The following HIBCH variants were observed in gnomAD, a reference collection of about 807,000 sequenced individuals.
HIBCH encodes the protein 3-hydroxyisobutyryl-CoA hydrolase, also known as 3-hydroxyisobutyryl-CoA hydrolase, mitochondrial.
Under a neutral mutation model 58.2 loss-of-function variants are expected in HIBCH, and 50 were observed. The ratio of observed to expected loss-of-function variants is 0.86; its 90% CI spans 0.68 to 1.09. HIBCH has a LOEUF of 1.09. Among genes scored for constraint, HIBCH ranks in the 50% least tolerant of loss-of-function variants. The pLI is 0.00. For synonymous variants in HIBCH, 151 were observed against 146.9 expected, an observed-to-expected ratio of 1.03 and a Z score of -0.20; for missense variants, 450 against 449.7, an observed-to-expected ratio of 1.00 and a Z score of -0.01.
chr2:190,282,917 T>A (rs1448196567), intron 6 of HIBCH, among the ~76,000 whole-genome samples: 1 of 148,786 alleles, frequency 6.7e-6, no homozygotes. Flanking sequence ...AGATGAGATA[T>A]AAAGTAACAA....
chr2:190,199,495 T>C (rs557091661), downstream of HIBCH, among the ~76,000 whole-genome samples: 1 of 152,310 alleles, frequency 6.6e-6, no homozygotes, highest in Non-Finnish European at 1.5e-5. Context: ...TGCAAGATCT[T>C]GAAAAAAAGT....
chr2:190,200,110 T>TACCATGACATTCCATACATTG, downstream of HIBCH: 1 of 1,614,036 alleles, frequency 6.2e-7, no homozygotes, highest in Non-Finnish European at 8.5e-7. Flanking sequence ...TAACATCAAG[T>TACCATGACATTCCATACATTG]ACCATGACAT....
At chr2:190,240,228 G>A (rs1044063260) in intron 11 of HIBCH, among the ~76,000 whole-genome samples, 13 of 152,182 alleles carry the variant, frequency 8.5e-5, no homozygotes, top group Admixed American at 7.9e-4. Flanking sequence ...TTAGTCCTGG[G>A]AAGGTGTATG....
downstream of HIBCH, chr2:190,199,710 G>C (rs909660599): frequency 1.2e-5 from 17 of 1,463,236 alleles, no homozygotes; most frequent in Middle Eastern, 5.0e-4. Flanking sequence ...AACACTACAC[G>C]TGAAGAGTGG....
intron 6 of HIBCH, among the ~76,000 whole-genome samples, chr2:190,283,521 A>T (rs1430975370): frequency 1.3e-5 from 2 of 152,202 alleles, no homozygotes; most frequent in African/African-American, 4.8e-5. Context: ...CCTTGCTGAG[A>T]ATTAAAAACA....
rs1157325258 is a variant in HIBCH, at chr2:190,207,248, T to C, written c.1045+1632A>G. 6.6e-6 allele frequency among the ~76,000 whole-genome samples: 1 copy of C among 152,164 alleles called. No homozygotes were observed. The highest frequency in any genetic ancestry group is 6.5e-5 in the Admixed American group (1 of 15,270). On this transcript the variant is annotated intron_variant, in intron 13 of 13. Transcript: ENST00000359678. This position sits in a 1 kb window ranked among gnomAD's most constrained non-coding sequence, Gnocchi z 4.5. The stretch of plus-strand genomic sequence containing the variant: ...AGTATTTATCTAAAAACAGTATCTT[T>C]CTTTTTAAAGAAGGGCTATTATAAC...
rs1265917544 is a variant in HIBCH, at chr2:190,207,908, AC to A, written c.1045+971del. 3.3e-5 allele frequency among the ~76,000 whole-genome samples: 5 copies of A among 152,138 alleles called. No individual in the cohort carries two copies. In the South Asian group the frequency reaches 6.2e-4, roughly 19 times the overall value. Reference sequence around the variant, plus strand: ...AAAAAAATAAAATAAAATAAAAAAAACAAAGGATATCCAGAGTCTGCACTAT... The same window carrying A: ...AAAAAAATAAAATAAAATAAAAAAAAAAAGGATATCCAGAGTCTGCACTAT... On this transcript the variant is annotated intron_variant, in intron 13 of 13. Transcript: ENST00000359678. The surrounding 1 kb of genome is among the most constrained non-coding windows in gnomAD (Gnocchi z 4.5).
chr2:190,294,712 AATC>A, intron 3 of HIBCH, 82 bp from the exon 4 acceptor site: 1 of 860,696 alleles, frequency 1.2e-6, no homozygotes, highest in Non-Finnish European at 2.0e-6. Context: ...ACATATATTC[AATC>A]ATATATTCAT....
chr2:190,318,115 C>A (rs930159915), intron 1 of HIBCH, among the ~76,000 whole-genome samples: 1 of 151,992 alleles, frequency 6.6e-6, no homozygotes, highest in African/African-American at 2.4e-5. Flanking sequence ...TGTGAGCCCC[C>A]GCGCCTAGCC....
downstream of HIBCH, chr2:190,200,907 A>G (rs999989480): frequency 6.0e-6 from 1 of 167,062 alleles, no homozygotes; most frequent in South Asian, 2.1e-4. Context: ...TAAATCTTAA[A>G]AATAACAGAA....
intron 11 of HIBCH, chr2:190,213,752 T>TA (rs957850937): frequency 1.4e-3 from 214 of 151,054 alleles, no homozygotes; most frequent in Middle Eastern, 3.4e-3. Flanking sequence ...AAGACAACCC[T>TA]AAAAAAAAAC....
intron 1 of HIBCH, among the ~76,000 whole-genome samples, chr2:190,314,783 C>T (rs1334347700): frequency 1.3e-5 from 2 of 152,010 alleles, no homozygotes; most frequent in African/African-American, 2.4e-5. Context: ...CCAGCCCATT[C>T]GTTCTAATTC....
At chr2:190,256,421 T>C (rs528023989) in intron 7 of HIBCH, among the ~76,000 whole-genome samples, 48 of 151,366 alleles carry the variant, frequency 3.2e-4, no homozygotes, top group Admixed American at 5.3e-4. Context: ...TTAGCCCTAG[T>C]TGGACCACTG....
chr2:190,274,695 TA>T (rs548491252), intron 6 of HIBCH, among the ~76,000 whole-genome samples: 142 of 152,100 alleles, frequency 9.3e-4, no homozygotes, highest in African/African-American at 3.1e-3. Context: ...CAGGGAGAAA[TA>T]AAAACTCTCC....
At chr2:190,289,113 A>G (rs1181859439) in intron 5 of HIBCH, among the ~76,000 whole-genome samples, 1 of 152,168 alleles carries the variant, frequency 6.6e-6, no homozygotes, top group African/African-American at 2.4e-5. Context: ...TCTCTCTTAA[A>G]AGATAAATAA....
In HIBCH at chr2:190,266,805, G is replaced by A. The variant is rs183831655; in HGVS notation, c.439-5571C>T. On this transcript the variant is annotated intron_variant, in intron 6 of 13. Coordinates refer to ENST00000359678, the MANE Select transcript of HIBCH (RefSeq NM_014362.4). The stretch of plus-strand genomic sequence containing the variant: ...AGAGTCCTGCTTTGTTGCCCAGGCT[G>A]CAGTGCAGTGGCACAATATCAGCTC... 4.2e-4 allele frequency among the ~76,000 whole-genome samples: 64 copies of A among 152,154 alleles called. 1 individual carries two copies. The East Asian group carries it at 0.012, about 29-fold the overall frequency.
rs1686868192 is a variant in HIBCH at position 190,254,462 on chromosome 2, GT to G, written c.518-2156del. Among the ~76,000 whole-genome samples the G allele has an allele frequency of 6.6e-6, 1 of 152,162 alleles. No homozygotes were observed. The highest frequency in any genetic ancestry group is 2.4e-5 in the African/African-American group (1 of 41,448). ...AAATTTCTACTGTTTAAGCAACCAA[GT>G]TTGTGGTATTTTGTTATGCAGCCCT... On this transcript the variant is annotated intron_variant, in intron 7 of 13. Coordinates refer to ENST00000359678, the MANE Select transcript of HIBCH (RefSeq NM_014362.4). This position sits in a 1 kb window ranked among gnomAD's most constrained non-coding sequence, Gnocchi z 5.0.
intron 11 of HIBCH, among the ~76,000 whole-genome samples, chr2:190,222,601 C>T (rs1575702647): frequency 1.3e-5 from 2 of 152,092 alleles, no homozygotes; most frequent in Admixed American, 1.3e-4. Flanking sequence ...GAATGGCGAT[C>T]ATTAAAAAGT....
At chr2:190,314,350 T>TATATATACAC (rs1559068552) in intron 1 of HIBCH, among the ~76,000 whole-genome samples, 21 of 31,850 alleles carry the variant, frequency 6.6e-4, no homozygotes, top group African/African-American at 2.0e-3. Context: ...TATATATGTG[T>TATATATACAC]ATATATACGT....
Sources: allele counts gnomAD v4.1 joint callset (sites outside exome capture counted in the v4.1 genomes callset), GRCh38; gene constraint gnomAD v4.1.1; non-coding constraint Gnocchi (gnomAD v3.1); transcripts MANE v1.5; gene names NCBI Gene and HGNC (gene_info 2026-07-23, HGNC 2026-07-21).